DNAH9: variants seen among roughly 807,000 people sequenced by gnomAD.
DNAH9 encodes the protein dynein axonemal heavy chain 9.
A neutral mutation model predicts 471.6 loss-of-function variants in DNAH9; 345 were observed. That is an observed-to-expected ratio of 0.73 (90% CI 0.67 to 0.80). The LOEUF (loss-of-function observed/expected upper bound fraction) is 0.80, where lower values mean the gene tolerates loss of function less well. DNAH9 is among the 30% of genes least tolerant of loss of function. The probability of loss-of-function intolerance (pLI) is 0.00; values close to 1 mark genes in which losing one functional copy is unlikely to be tolerated. For synonymous variants in DNAH9, 2,093 were observed against 2,123.6 expected (o/e 0.99, Z 0.40); for missense variants, 5,407 against 5,609.2 (o/e 0.96, Z 1.15).
At position 11,934,044 on chromosome 17, in the gene DNAH9, C is replaced by T; in HGVS notation, c.12462C>T (p.Gly4154=). The change falls in exon 65 of 69, where the codon GGC becomes GGT. Residue 4154 remains glycine, a synonymous_variant. Transcript: ENST00000262442. ...LSLAPGFPLP[G]NMDYNGYHQY... is the part of the protein sequence containing the mutation. ...TGGCCCCAGGGTTCCCACTCCCAGG[C>T]AACATGGACTACAATGGTTATCATC... The T allele has an allele frequency of 6.2e-7, 1 of 1,613,898 alleles. No homozygotes were observed. The highest frequency in any genetic ancestry group is 1.3e-5 in the African/African-American group (1 of 75,028).
At chr17:11,912,118 A>G (rs1273377812) in intron 61 of DNAH9, among the ~76,000 whole-genome samples, 1 of 152,152 alleles carries the variant, frequency 6.6e-6, no homozygotes, top group Non-Finnish European at 1.5e-5. Flanking sequence ...CCCAGGTTCA[A>G]GCAATTCTCC....
intron 41 of DNAH9, among the ~76,000 whole-genome samples, chr17:11,792,582 G>T (rs1969103286): frequency 6.6e-6 from 1 of 152,156 alleles, no homozygotes. Context: ...AATTTGAAAA[G>T]AATGATAAAT....
chr17:11,781,842 AAC>A (rs1214975159), intron 39 of DNAH9, among the ~76,000 whole-genome samples: 1 of 120,034 alleles, frequency 8.3e-6, no homozygotes, highest in African/African-American at 3.6e-5. Flanking sequence ...AAAAAAAAAA[AAC>A]AAACAAAAAA....
Position 11,822,555 on chromosome 17 carries a change from GAGTCT to G in DNAH9, c.8969_8973del (p.Glu2990GlyfsTer13). ...CCACGAGTGGCCTCAGCAAGCATTGGAGTCTGTCAGCCTCCGCTTCTTGCAGAACA... is the reference window on the plus strand; with the variant it reads ...CCACGAGTGGCCTCAGCAAGCATTGGGTCAGCCTCCGCTTCTTGCAGAACA... On this transcript the variant is annotated frameshift_variant, in exon 47 of 69. Coordinates refer to ENST00000262442, the MANE Select transcript of DNAH9 (RefSeq NM_001372.4). LOFTEE classifies it high-confidence loss of function. 6.2e-7 allele frequency: 1 copy of G among 1,614,176 alleles called. No homozygotes were observed. The highest frequency in any genetic ancestry group is 8.5e-7 in the Non-Finnish European group (1 of 1,180,040).
chr17:11,741,224 A>G (rs527943481), intron 29 of DNAH9, among the ~76,000 whole-genome samples: 1 of 152,352 alleles, frequency 6.6e-6, no homozygotes, highest in Admixed American at 6.5e-5. Context: ...AAATAAATGT[A>G]ACAACCTATT....
At chr17:11,830,508 T>G (rs908649590) in intron 48 of DNAH9, among the ~76,000 whole-genome samples, 1 of 152,202 alleles carries the variant, frequency 6.6e-6, no homozygotes, top group Admixed American at 6.5e-5. Context: ...TTCATGATGA[T>G]GTACTAGGAT....
chr17:11,762,772 T>TTGTTTG (rs1555584671), intron 35 of DNAH9, among the ~76,000 whole-genome samples: 32 of 107,574 alleles, frequency 3.0e-4, no homozygotes, highest in Non-Finnish European at 4.6e-4. Flanking sequence ...TTTTTTTTGT[T>TTGTTTG]TTTTTTTTTT....
chr17:11,945,032 G>A (rs920568928), intron 67 of DNAH9, among the ~76,000 whole-genome samples: 2 of 152,214 alleles, frequency 1.3e-5, no homozygotes, highest in African/African-American at 4.8e-5. Flanking sequence ...CTTGGCAGGA[G>A]GGGTTCGCAG....
In DNAH9 at chr17:11,768,467, G is replaced by C; in HGVS notation, c.7185G>C (p.Arg2395=). The C allele has an allele frequency of 6.2e-7, 1 of 1,613,894 alleles. No homozygotes were observed. Among genetic ancestry groups the C allele is most frequent in the South Asian group, 1.1e-5 (1 of 91,072 alleles). The part of the protein sequence containing the change: ...AMVQDQLVDY[R]AEFSKWWLTE... ...TGTTTTTGCAGCTTGTGGACTACCGGGCAGAGTTCAGCAAATGGTGGCTGA... is the reference window on the plus strand; with the variant it reads ...TGTTTTTGCAGCTTGTGGACTACCGCGCAGAGTTCAGCAAATGGTGGCTGA... The change falls in exon 37 of 69, where the codon CGG becomes CGC. Residue 2395 remains arginine (R), a synonymous_variant. Transcript: ENST00000262442.
rs1176730780 is a variant in DNAH9, at chr17:11,747,642, G to C, written c.6486G>C (p.Arg2162Ser). Reference sequence around the variant, plus strand: ...GTACCGGCAAGTCACAGGTGCTGAGGTCCTTGCACAAGACCTATCAGATCA... The same window carrying C: ...GTACCGGCAAGTCACAGGTGCTGAGCTCCTTGCACAAGACCTATCAGATCA... ...GAGTGKSQVL[R>S]SLHKTYQIMK... The change falls in exon 32 of 69, where the codon AGG (arginine) becomes AGC (serine). Residue 2162 changes from arginine to serine, a missense_variant. Transcript: ENST00000262442. The C allele has an allele frequency of 1.9e-6, 3 of 1,614,126 alleles. No homozygotes were observed. The South Asian group carries it at 3.3e-5, about 18-fold the overall frequency.
chr17:11,913,447 T>C (rs1973849826), intron 61 of DNAH9, among the ~76,000 whole-genome samples: 1 of 152,126 alleles, frequency 6.6e-6, no homozygotes, highest in African/African-American at 2.4e-5. Context: ...TTAAAGTGTT[T>C]AGATCATCTG....
At chr17:11,837,790 A>G (rs1002981047) in intron 49 of DNAH9, among the ~76,000 whole-genome samples, 1 of 152,218 alleles carries the variant, frequency 6.6e-6, no homozygotes, top group Non-Finnish European at 1.5e-5. Context: ...CTTCTGCATC[A>G]GTTACTACTC....
At chr17:11,608,062 A>G in intron 1 of DNAH9, 67 bp from the exon 2 acceptor site, 2 of 1,270,828 alleles carry the variant, frequency 1.6e-6, no homozygotes, top group South Asian at 1.5e-5. Context: ...CCTTTTCCAG[A>G]TGAGGATTTC....
chr17:11,638,602 A>G (rs934169932), intron 9 of DNAH9, among the ~76,000 whole-genome samples: 3 of 151,916 alleles, frequency 2.0e-5, no homozygotes, highest in African/African-American at 7.3e-5. Context: ...GGTCAGGCTG[A>G]TCTCGAACTC....
rs1395999675 is a variant in DNAH9 at position 11,807,741 on chromosome 17, C to G, written c.8430C>G (p.Ile2810Met). Residue 2810 changes from isoleucine to methionine, a missense_variant, in exon 44 of 69, where the codon ATC (isoleucine) becomes ATG (methionine). Coordinates refer to ENST00000262442, the MANE Select transcript of DNAH9 (RefSeq NM_001372.4). Reference sequence around the variant, plus strand: ...GCTTCCTTCTCTTTAGCTGCCATATCAATCGCATCTTGGAGTCCCCGCGGG... The same window carrying G: ...GCTTCCTTCTCTTTAGCTGCCATATGAATCGCATCTTGGAGTCCCCGCGGG... Reference protein sequence around the residue: ...FEDAMRHVCHINRILESPRGN... With the variant: ...FEDAMRHVCHMNRILESPRGN... 3 of 1,606,658 alleles carry G rather than the reference C, an allele frequency of 1.9e-6. No individual in the cohort carries two copies. The South Asian group carries it at 3.3e-5, about 18-fold the overall frequency.
At chr17:11,605,204 T>C (rs1488180082) in intron 1 of DNAH9, among the ~76,000 whole-genome samples, 1 of 152,176 alleles carries the variant, frequency 6.6e-6, no homozygotes, top group African/African-American at 2.4e-5. Flanking sequence ...TCCCAGCCTT[T>C]GTTCAAATCT....
At chr17:11,920,951 G>T (rs1974118446) in intron 61 of DNAH9, among the ~76,000 whole-genome samples, 1 of 152,108 alleles carries the variant, frequency 6.6e-6, no homozygotes, top group Admixed American at 6.5e-5. Context: ...GACCAGCCTG[G>T]CCAACATAGT....
chr17:11,788,652 TA>T (rs1968957666), intron 41 of DNAH9, among the ~76,000 whole-genome samples: 1 of 152,198 alleles, frequency 6.6e-6, no homozygotes, highest in Non-Finnish European at 1.5e-5. Context: ...TGTGTATCTC[TA>T]TTTTTAATAA....
intron 38 of DNAH9, among the ~76,000 whole-genome samples, chr17:11,780,672 T>C (rs925312453): frequency 6.6e-6 from 1 of 152,234 alleles, no homozygotes; most frequent in African/African-American, 2.4e-5. Context: ...CTGAGTTCTT[T>C]TGAGCCTTGG....
Sources: gnomAD v4.1 joint callset for allele counts (sites outside exome capture counted in the v4.1 genomes callset) on GRCh38, gnomAD v4.1.1 for gene constraint, MANE v1.5 for transcripts, NCBI Gene and HGNC (gene_info 2026-07-23, HGNC 2026-07-21) for gene names.